Variants in PKIG observed in about 807,000 individuals in gnomAD.
PKIG encodes the protein protein kinase (cAMP-dependent, catalytic) inhibitor gamma.
PKIG carries 1 observed loss-of-function variant against 6.8 expected under a neutral mutation model. The ratio of observed to expected loss-of-function variants is 0.15; its 90% CI spans 0.05 to 0.69. PKIG has a LOEUF of 0.69. PKIG is among the 30% of genes least tolerant of loss of function. The probability of loss-of-function intolerance (pLI) is 0.82; values close to 1 mark genes in which losing one functional copy is unlikely to be tolerated. For missense variants in PKIG, 77 were observed against 104.0 expected (o/e 0.74, Z 1.13); for synonymous variants, 39 against 43.0 (o/e 0.91, Z 0.36).
Position 44,548,071 on chromosome 20 carries a change from C to T in PKIG, c.-241+16093C>T, listed in dbSNP as rs544461655. Among the ~76,000 whole-genome samples, 37 of 152,102 alleles carry T rather than the reference C, an allele frequency of 2.4e-4. 1 individual carries two copies. In the South Asian group the frequency reaches 7.7e-3, roughly 32 times the overall value. On this transcript the variant is annotated intron_variant, in intron 1 of 4. Transcript: ENST00000372887. ...TTGTGCACCTGTAATCCCAGCTACT[C>T]AGGATGCTGGGGCAGGAGAATTACT... is the stretch of plus-strand genomic sequence containing the variant.
intron 1 of PKIG, among the ~76,000 whole-genome samples, chr20:44,583,286 G>A (rs2064963414): frequency 6.6e-6 from 1 of 152,170 alleles, no homozygotes; most frequent in African/African-American, 2.4e-5. Context: ...GATGGAAAGG[G>A]GTTGGAAATC....
chr20:44,583,271 T>C (rs2064963274), intron 1 of PKIG, among the ~76,000 whole-genome samples: 1 of 152,210 alleles, frequency 6.6e-6, no homozygotes, highest in Non-Finnish European at 1.5e-5. Context: ...TGTGGAAAAC[T>C]CCAAGATGGA....
chr20:44,572,542 CAT>C (rs2064862740), intron 1 of PKIG, among the ~76,000 whole-genome samples: 1 of 151,874 alleles, frequency 6.6e-6, no homozygotes, highest in Non-Finnish European at 1.5e-5. Context: ...CTGAGGGCAA[CAT>C]GTGTTAGTGA....
chr20:44,548,643 C>T (rs1000262740), intron 1 of PKIG, among the ~76,000 whole-genome samples: 2 of 152,068 alleles, frequency 1.3e-5, no homozygotes, highest in East Asian at 3.9e-4. Context: ...ATATAAACAG[C>T]ATCTTTATTT....
At chr20:44,569,846 A>G (rs1397501375) in intron 1 of PKIG, among the ~76,000 whole-genome samples, 1 of 152,142 alleles carries the variant, frequency 6.6e-6, no homozygotes, top group Non-Finnish European at 1.5e-5. Context: ...ATTTAAATGT[A>G]GGCTGGGCTC....
chr20:44,544,019 A>G (rs1050395373), intron 1 of PKIG, among the ~76,000 whole-genome samples: 2 of 151,076 alleles, frequency 1.3e-5, no homozygotes, highest in East Asian at 3.9e-4. Flanking sequence ...AGCTGAGGTC[A>G]CACCACTGCA....
At chr20:44,592,410 AAACGTGGTCCAG>A (rs1403370244) in intron 2 of PKIG, among the ~76,000 whole-genome samples, 1 of 152,152 alleles carries the variant, frequency 6.6e-6, no homozygotes, top group Non-Finnish European at 1.5e-5. Flanking sequence ...CAGATAACCA[AAACGTGGTCCAG>A]AACTGAATCC....
At chr20:44,533,573 G>A (rs963311668) in intron 1 of PKIG, among the ~76,000 whole-genome samples, 3 of 152,246 alleles carry the variant, frequency 2.0e-5, no homozygotes, top group East Asian at 1.9e-4. Context: ...GTTAGCTATC[G>A]TGGGGATGTT....
chr20:44,536,844 A>G (rs1005069331), intron 1 of PKIG, among the ~76,000 whole-genome samples: 2 of 152,258 alleles, frequency 1.3e-5, no homozygotes, highest in Admixed American at 6.5e-5. Context: ...ATGAACCTTT[A>G]GTACTGAAGT....
At chr20:44,556,516 C>T (rs1400923343) in intron 1 of PKIG, among the ~76,000 whole-genome samples, 6 of 152,088 alleles carry the variant, frequency 3.9e-5, no homozygotes, top group Non-Finnish European at 4.4e-5. Context: ...GCGTGTGCCA[C>T]CATGCCTGGC....
intron 2 of PKIG, among the ~76,000 whole-genome samples, chr20:44,595,171 GC>G (rs1349442360): frequency 2.6e-5 from 4 of 152,228 alleles, no homozygotes; most frequent in Non-Finnish European, 5.9e-5. Flanking sequence ...TTAGCCAGGG[GC>G]TTATGGGTTA....
At chr20:44,601,631 G>A (rs552355875) in intron 2 of PKIG, among the ~76,000 whole-genome samples, 3 of 152,118 alleles carry the variant, frequency 2.0e-5, no homozygotes, top group Non-Finnish European at 2.9e-5. Context: ...CGGCCCTTTC[G>A]TCCCTCAGAG....
intron 1 of PKIG, among the ~76,000 whole-genome samples, chr20:44,565,016 A>T (rs1471303346): frequency 6.6e-6 from 1 of 152,242 alleles, no homozygotes; most frequent in African/African-American, 2.4e-5. Flanking sequence ...GGACGTGTTG[A>T]CCTTGATACG....
chr20:44,593,191 A>G (rs1275905621), intron 2 of PKIG, among the ~76,000 whole-genome samples: 1 of 151,906 alleles, frequency 6.6e-6, no homozygotes, highest in East Asian at 1.9e-4. Context: ...GTAGCTGGGC[A>G]TGGTGGCGTG....
upstream of PKIG, among the ~76,000 whole-genome samples, chr20:44,582,065 C>G (rs989730526): frequency 6.6e-6 from 1 of 152,012 alleles, no homozygotes; most frequent in African/African-American, 2.4e-5. Flanking sequence ...AAGCCTTCCC[C>G]GGGGGCACAC....
At chr20:44,561,199 T>C (rs1396225029) in intron 1 of PKIG, among the ~76,000 whole-genome samples, 1 of 152,150 alleles carries the variant, frequency 6.6e-6, no homozygotes. Context: ...TAGCTGGATG[T>C]GGTGGCGGGC....
At chr20:44,558,574 T>TCTTTCTTTCTTTCTTTCTTTCTTTCTTTC (rs1555835144) in intron 1 of PKIG, among the ~76,000 whole-genome samples, 3 of 131,900 alleles carry the variant, frequency 2.3e-5, no homozygotes, top group African/African-American at 6.2e-5. Context: ...TTTTTTTCTT[T>TCTTTCTTTCTTTCTTTCTTTCTTTCTTTC]TTTCTTTCTT....
chr20:44,576,160 T>A lies in PKIG; in HGVS notation c.-240-6425T>A, dbSNP rs1275537550. 8.1e-4 allele frequency among the ~76,000 whole-genome samples: 12 copies of A among 14,724 alleles called. No homozygotes were observed. In the South Asian group the frequency reaches 0.018, roughly 22 times the overall value. The allele number at this position is 14,724 out of a possible 152,430, so 9.7% of individuals were successfully genotyped here. On this transcript the variant is annotated intron_variant, in intron 1 of 4. Coordinates refer to the PKIG transcript ENST00000372887. ...TTACCATAGACTGGACTAAGTAGAGTGTGTGTGTGTGTGTGTGTGTGTGTG... is the reference window on the plus strand; with the variant it reads ...TTACCATAGACTGGACTAAGTAGAGAGTGTGTGTGTGTGTGTGTGTGTGTG...
At chr20:44,547,078 C>T (rs555507577) in intron 1 of PKIG, among the ~76,000 whole-genome samples, 42 of 152,294 alleles carry the variant, frequency 2.8e-4, no homozygotes, top group African/African-American at 9.9e-4. Flanking sequence ...CCTTGGACCT[C>T]TGTACATCCT....
Sources: allele counts gnomAD v4.1 joint callset (sites outside exome capture counted in the v4.1 genomes callset), GRCh38; gene constraint gnomAD v4.1.1; transcripts MANE v1.5; gene names NCBI Gene and HGNC (gene_info 2026-07-23, HGNC 2026-07-21).